SULT1B1: variants seen among roughly 807,000 people sequenced by gnomAD.
SULT1B1 encodes sulfotransferase 1B1.
Under a neutral mutation model 34.6 loss-of-function variants are expected in SULT1B1, and 28 were observed. That is an observed-to-expected ratio of 0.81 (90% CI 0.60 to 1.11). The LOEUF is 1.11. Ranked by LOEUF, SULT1B1 falls within the 50% of genes least tolerant of loss-of-function variation. The pLI is 0.00. For missense variants in SULT1B1, 374 were observed against 352.2 expected, an observed-to-expected ratio of 1.06 and a Z score of -0.50; for synonymous variants, 147 against 110.2, an observed-to-expected ratio of 1.33 and a Z score of -2.09.
In SULT1B1 at chr4:69,723,554, C is replaced by T. The variant is rs1717717637; in HGVS notation, c.*3534G>A. 6.6e-6 allele frequency: 1 copy of T among 152,156 alleles called. No homozygotes were observed. The highest frequency in any genetic ancestry group is 2.1e-4 in the South Asian group (1 of 4,824). 9.4% of individuals were successfully genotyped at this position (152,156 alleles called of 1,614,324 possible). A position where few individuals can be genotyped will look rare whatever the true frequency, so the allele number is the denominator to read the frequency against. ...GCCAGCATCATCCTGATACCAAAGCCTGGCAGAGACACAACAAAAAAAGAG... is the reference window on the plus strand; with the variant it reads ...GCCAGCATCATCCTGATACCAAAGCTTGGCAGAGACACAACAAAAAAAGAG... On this transcript the variant is annotated 3_prime_UTR_variant, in exon 8 of 8. Transcript: ENST00000310613.
Position 69,723,615 on chromosome 4 carries a change from A to C in SULT1B1, c.*3473T>G, listed in dbSNP as rs1717720621. The C allele has an allele frequency of 6.6e-6, 1 of 152,246 alleles. No individual in the cohort carries two copies. The highest frequency in any genetic ancestry group is 1.5e-5 in the Non-Finnish European group (1 of 68,058). 9.4% of individuals were successfully genotyped at this position (152,246 alleles called of 1,614,324 possible). On this transcript the variant is annotated 3_prime_UTR_variant, in exon 8 of 8. Transcript: ENST00000310613. ...CAATAACCCTGATGAACATTGATGCAAAAATCCTCAATAAAATACTGGCAA... is the reference window on the plus strand; with the variant it reads ...CAATAACCCTGATGAACATTGATGCCAAAATCCTCAATAAAATACTGGCAA...
rs181818696 is a variant in SULT1B1 at position 69,748,905 on chromosome 4, T to G, written c.375+816A>C. 2.0e-5 allele frequency among the ~76,000 whole-genome samples: 3 copies of G among 151,678 alleles called. No homozygotes were observed. The East Asian group carries it at 5.8e-4, about 29-fold the overall frequency. ...AACACTAAAGGCTTATTTTAGAAAA[T>G]AGGAAAGAAACAAATCAATAATATC... On this transcript the variant is annotated intron_variant, in intron 4 of 7. Coordinates refer to ENST00000310613, the MANE Select transcript of SULT1B1 (RefSeq NM_014465.4).
chr4:69,730,380 G>T, intron 7 of SULT1B1, 121 bp downstream of exon 7: 1 of 766,954 alleles, frequency 1.3e-6, no homozygotes, highest in Non-Finnish European at 2.0e-6. Flanking sequence ...TTTGGTGGTA[G>T]GTATTTGCTA....
At chr4:69,734,772 G>A (rs1203864246) in intron 4 of SULT1B1, among the ~76,000 whole-genome samples, 3 of 151,708 alleles carry the variant, frequency 2.0e-5, no homozygotes, top group African/African-American at 4.8e-5. Context: ...ATAAGTTTGG[G>A]GGCATCCAGT....
At chr4:69,749,893 T>A in intron 3 of SULT1B1, 75 bp from the exon 4 acceptor site, 1 of 1,088,002 alleles carries the variant, frequency 9.2e-7, no homozygotes, top group Non-Finnish European at 1.4e-6. Context: ...TGCCAACCAG[T>A]TTTTCAAGAC....
intron 1 of SULT1B1, chr4:69,758,446 T>C: frequency 1.0e-6 from 1 of 985,302 alleles, no homozygotes; most frequent in Non-Finnish European, 1.2e-6. Context: ...TCTGAAACAT[T>C]TTATTTTATT....
chr4:69,742,676 G>C (rs1322247936), intron 4 of SULT1B1, among the ~76,000 whole-genome samples: 1 of 152,164 alleles, frequency 6.6e-6, no homozygotes, highest in African/African-American at 2.4e-5. Flanking sequence ...GGTTTGCTCT[G>C]GCCCTCTGGG....
chr4:69,742,502 G>T (rs903754357), intron 4 of SULT1B1, among the ~76,000 whole-genome samples: 2 of 152,286 alleles, frequency 1.3e-5, no homozygotes, highest in South Asian at 4.1e-4. Flanking sequence ...TGGCCCAGGG[G>T]TTTGATAGAT....
At chr4:69,732,847 A>G (rs573679578) in intron 6 of SULT1B1, among the ~76,000 whole-genome samples, 99 of 152,152 alleles carry the variant, frequency 6.5e-4, no homozygotes, top group African/African-American at 2.3e-3. Context: ...TGTGCAAAAT[A>G]TAGGAAACAA....
rs192524098 is a variant in SULT1B1 at position 69,751,576 on chromosome 4, C to T, written c.278-1758G>A. 1.3e-3 allele frequency among the ~76,000 whole-genome samples: 201 copies of T among 152,220 alleles called. 1 individual carries two copies. Among genetic ancestry groups the T allele is most frequent in the African/African-American group, 4.3e-3 (178 of 41,530 alleles). On this transcript the variant is annotated intron_variant, in intron 3 of 7. Coordinates refer to ENST00000310613, the MANE Select transcript of SULT1B1 (RefSeq NM_014465.4). The stretch of plus-strand genomic sequence containing the variant: ...ACGCCATTCTCCTGCCTCAGCCTCC[C>T]GAGTAGTTGAGACTACCGGCGCCCG...
At chr4:69,754,554 C>T (rs1719112733) in intron 3 of SULT1B1, 116 bp downstream of exon 3, 11 of 999,776 alleles carry the variant, frequency 1.1e-5, no homozygotes, top group Non-Finnish European at 1.5e-5. Flanking sequence ...TTGTTTGCCA[C>T]CTTCCATTTT....
rs1457001427 is a variant in SULT1B1 at position 69,722,815 on chromosome 4, G to T, written c.*4273C>A. The T allele has an allele frequency of 6.6e-6, 1 of 152,056 alleles. No individual in the cohort carries two copies. The highest frequency in any genetic ancestry group is 2.4e-5 in the African/African-American group (1 of 41,382). 9.4% of individuals were successfully genotyped at this position (152,056 alleles called of 1,614,324 possible). A position where few individuals can be genotyped will look rare whatever the true frequency, so the allele number is the denominator to read the frequency against. ...AATACGATAAGCCATAGCTACCTCA[G>T]TTGTGGCTCAGAAAGTCTAACAGTA... On this transcript the variant is annotated 3_prime_UTR_variant, in exon 8 of 8. Transcript: ENST00000310613.
chr4:69,745,122 T>C (rs1718702359), intron 4 of SULT1B1, among the ~76,000 whole-genome samples: 1 of 152,222 alleles, frequency 6.6e-6, no homozygotes, highest in Non-Finnish European at 1.5e-5. Context: ...TTTTCTTGTA[T>C]TTATTGAGAA....
intron 3 of SULT1B1, among the ~76,000 whole-genome samples, chr4:69,753,639 C>T (rs887493589): frequency 3.3e-5 from 5 of 152,110 alleles, no homozygotes; most frequent in African/African-American, 1.2e-4. Flanking sequence ...CTGGGATATT[C>T]TTTCCCCAAG....
intron 4 of SULT1B1, among the ~76,000 whole-genome samples, chr4:69,735,343 C>G (rs1346009413): frequency 6.6e-6 from 1 of 152,170 alleles, no homozygotes; most frequent in Non-Finnish European, 1.5e-5. Flanking sequence ...GAAAAACCTG[C>G]TCTCCCTGGT....
intron 4 of SULT1B1, among the ~76,000 whole-genome samples, chr4:69,738,800 G>A (rs943430350): frequency 5.3e-5 from 8 of 152,230 alleles, no homozygotes; most frequent in African/African-American, 1.2e-4. Flanking sequence ...TTCTGCCTGT[G>A]AGCATGTAAA....
chr4:69,749,879 A>C (rs1718912563), intron 3 of SULT1B1, 61 bp from the exon 4 acceptor site: 2 of 1,285,382 alleles, frequency 1.6e-6, no homozygotes, highest in Admixed American at 3.6e-5. Context: ...ACGTTTCCTT[A>C]TTTTGCCAAC....
intron 4 of SULT1B1, among the ~76,000 whole-genome samples, chr4:69,743,087 T>G (rs1048963057): frequency 3.9e-5 from 6 of 152,290 alleles, no homozygotes; most frequent in African/African-American, 1.4e-4. Context: ...CTTTCTCTCT[T>G]CTGTCTTTCT....
chr4:69,728,905 C>A (rs1251513198), intron 7 of SULT1B1, among the ~76,000 whole-genome samples: 3 of 151,872 alleles, frequency 2.0e-5, no homozygotes, highest in African/African-American at 7.2e-5. Flanking sequence ...ATCAATCTGA[C>A]CACAAAAGTA....
Sources: gnomAD v4.1 joint callset for allele counts (sites outside exome capture counted in the v4.1 genomes callset) on GRCh38, gnomAD v4.1.1 for gene constraint, MANE v1.5 for transcripts, NCBI Gene and HGNC (gene_info 2026-07-23, HGNC 2026-07-21) for gene names.